The following TLN2 variants were observed in gnomAD, a reference collection of about 807,000 sequenced individuals.
TLN2 encodes the protein talin 2, also known as talin-2.
Under a neutral mutation model 294.7 loss-of-function variants are expected in TLN2, and 118 were observed. The observed-to-expected ratio is 0.40, with a 90% CI of 0.34 to 0.47. The LOEUF is 0.47. Ranked by LOEUF, TLN2 falls within the 20% of genes least tolerant of loss-of-function variation. The pLI is 0.84. For synonymous variants in TLN2, 1,431 were observed against 1,304.5 expected, an observed-to-expected ratio of 1.10 and a Z score of -2.09; for missense variants, 3,083 against 3,282.2, an observed-to-expected ratio of 0.94 and a Z score of 1.48.
rs989601330 is a variant in TLN2 at position 62,669,804 on chromosome 15, G to A, written c.789-4023G>A. Among the ~76,000 whole-genome samples, 8 of 152,164 alleles carry A rather than the reference G, an allele frequency of 5.3e-5. No homozygotes were observed. The East Asian group carries it at 7.7e-4, about 15-fold the overall frequency. On this transcript the variant is annotated intron_variant, in intron 9 of 58. Transcript: ENST00000636159. ...GCCTTGATGACACCCTGCCTGCTCC[G>A]TGCTGACATGGCACCCACACACGGC... is the stretch of plus-strand genomic sequence containing the variant.
At chr15:62,767,854 G>A (rs927277744) in intron 41 of TLN2, among the ~76,000 whole-genome samples, 1 of 152,178 alleles carries the variant, frequency 6.6e-6, no homozygotes, top group African/African-American at 2.4e-5. Context: ...ATTTCTGGAT[G>A]TCTTTGGAGG....
intron 1 of TLN2, among the ~76,000 whole-genome samples, chr15:62,534,699 C>T (rs1596042301): frequency 6.6e-6 from 1 of 152,190 alleles, no homozygotes; most frequent in African/African-American, 2.4e-5. Flanking sequence ...TCCCAACCTT[C>T]TCATCAGGTT....
At chr15:62,431,978 G>C (rs918228669) in intron 1 of TLN2, among the ~76,000 whole-genome samples, 1 of 152,166 alleles carries the variant, frequency 6.6e-6, no homozygotes, top group Non-Finnish European at 1.5e-5. Flanking sequence ...GGGACTTCTG[G>C]AACGCTCCTT....
intron 32 of TLN2, among the ~76,000 whole-genome samples, chr15:62,742,072 T>TGTGTGAGA (rs1272145437): frequency 7.0e-6 from 1 of 142,408 alleles, no homozygotes. Context: ...TGTGTGTGTG[T>TGTGTGAGA]GTGAAGGGTT....
At chr15:62,637,071 G>A (rs1261319965) in intron 3 of TLN2, 1 of 152,192 alleles carries the variant, frequency 6.6e-6, no homozygotes, top group African/African-American at 2.4e-5. Context: ...TGCAGAATAT[G>A]CCTTCCTGAG....
intron 1 of TLN2, among the ~76,000 whole-genome samples, chr15:62,424,828 T>A: frequency 6.7e-6 from 1 of 148,972 alleles, no homozygotes; most frequent in Non-Finnish European, 1.5e-5. Context: ...AATTTTTGTA[T>A]TTTTAGTAGA....
chr15:62,651,691 G>A (rs945973831), intron 5 of TLN2, among the ~76,000 whole-genome samples: 3 of 152,218 alleles, frequency 2.0e-5, no homozygotes, highest in South Asian at 2.1e-4. Flanking sequence ...TGAAAAGAAC[G>A]TATGGAATAA....
intron 1 of TLN2, among the ~76,000 whole-genome samples, chr15:62,543,454 AC>A (rs2041814420): frequency 6.6e-6 from 1 of 152,112 alleles, no homozygotes; most frequent in Non-Finnish European, 1.5e-5. Context: ...AAATGATGAG[AC>A]AGATGTAAGA....
chr15:62,646,584 C>T (rs1440692148), intron 3 of TLN2, among the ~76,000 whole-genome samples: 1 of 152,210 alleles, frequency 6.6e-6, no homozygotes, highest in Non-Finnish European at 1.5e-5. Context: ...CGTGAAGCTT[C>T]TTGGTACCCT....
At chr15:62,781,090 A>G (rs777365159) in intron 43 of TLN2, 50 bp from the exon 44 acceptor site, 1 of 1,403,846 alleles carries the variant, frequency 7.1e-7, no homozygotes, top group Admixed American at 1.7e-5. Flanking sequence ...TACAGTCTAC[A>G]CTTCAGCAGG....
intron 22 of TLN2, among the ~76,000 whole-genome samples, chr15:62,712,997 T>C (rs547843140): frequency 2.6e-5 from 4 of 152,294 alleles, no homozygotes; most frequent in Admixed American, 6.5e-5. Context: ...CCAGGCACGG[T>C]GGCTCACACC....
At chr15:62,838,798 T>C in intron 57 of TLN2, 58 bp from the exon 58 acceptor site, 6 of 1,596,314 alleles carry the variant, frequency 3.8e-6, no homozygotes, top group Non-Finnish European at 5.1e-6. Flanking sequence ...ATGTCTATTC[T>C]TGCCAGGCCC....
At chr15:62,562,042 C>T (rs985704641) in intron 1 of TLN2, among the ~76,000 whole-genome samples, 5 of 152,092 alleles carry the variant, frequency 3.3e-5, no homozygotes, top group Admixed American at 1.3e-4. Flanking sequence ...ATAAGCTCCT[C>T]GAAGTCTAGA....
At chr15:62,770,214 A>C (rs942346672) in intron 41 of TLN2, among the ~76,000 whole-genome samples, 3 of 152,208 alleles carry the variant, frequency 2.0e-5, no homozygotes, top group African/African-American at 7.2e-5. Flanking sequence ...AAAGTTGTGG[A>C]GGCTCAGTGA....
intron 1 of TLN2, among the ~76,000 whole-genome samples, chr15:62,571,069 T>C (rs2043831608): frequency 6.6e-6 from 1 of 152,212 alleles, no homozygotes; most frequent in African/African-American, 2.4e-5. Context: ...TGATGATCAA[T>C]CAACATGATT....
intron 9 of TLN2, among the ~76,000 whole-genome samples, chr15:62,664,051 T>G (rs1280525277): frequency 6.6e-6 from 1 of 152,000 alleles, no homozygotes; most frequent in Admixed American, 6.5e-5. Flanking sequence ...AAACACTACA[T>G]TAGTATCATA....
At chr15:62,458,514 A>G (rs905346436) in intron 1 of TLN2, among the ~76,000 whole-genome samples, 1 of 150,092 alleles carries the variant, frequency 6.7e-6, no homozygotes, top group Admixed American at 6.7e-5. Flanking sequence ...AACCTCTAGG[A>G]GGGAGAGAGA....
chr15:62,580,643 T>A (rs1267537347), intron 1 of TLN2, among the ~76,000 whole-genome samples: 2 of 152,048 alleles, frequency 1.3e-5, no homozygotes, highest in Non-Finnish European at 2.9e-5. Context: ...ACTCCTGAGT[T>A]CAAGTGATCT....
In TLN2 at chr15:62,722,376, T is replaced by C; in HGVS notation, c.3015T>C (p.Ser1005=). 1 of 1,612,038 alleles carries C rather than the reference T, an allele frequency of 6.2e-7. No homozygotes were observed. Among genetic ancestry groups the C allele is most frequent in the South Asian group, 1.1e-5 (1 of 90,892 alleles). The change falls in exon 26 of 59, where the codon TCT becomes TCC. Residue 1005 remains serine, a synonymous_variant. Coordinates refer to ENST00000636159, the MANE Select transcript of TLN2 (RefSeq NM_015059.3). ...AGCCTGGAAGCAAGATGGTGTCCTC[T>C]GCCAAAGCCGCAGTGCCCACCGTGA... ...FLQPGSKMVS[S]AKAAVPTVSD...
Sources: allele counts gnomAD v4.1 joint callset (sites outside exome capture counted in the v4.1 genomes callset), GRCh38; gene constraint gnomAD v4.1.1; transcripts MANE v1.5; gene names NCBI Gene and HGNC (gene_info 2026-07-23, HGNC 2026-07-21).